Variants in EFCAB6 observed in about 807,000 individuals in gnomAD.
EFCAB6 encodes the protein EF-hand calcium-binding domain-containing protein 6.
A neutral mutation model predicts 169.8 loss-of-function variants in EFCAB6; 156 were observed. The observed-to-expected ratio is 0.92, with a 90% CI of 0.81 to 1.05. EFCAB6 has a LOEUF of 1.05. EFCAB6 is among the 50% of genes least tolerant of loss of function. The pLI, the probability that EFCAB6 is intolerant of heterozygous loss-of-function variation, is 0.00. For synonymous variants in EFCAB6, 698 were observed against 676.4 expected (o/e 1.03, Z -0.50); for missense variants, 1,800 against 1,829.1 (o/e 0.98, Z 0.29).
chr22:43,539,498 CTTCA>C (rs1035152783), intron 28 of EFCAB6, among the ~76,000 whole-genome samples: 6 of 152,312 alleles, frequency 3.9e-5, no homozygotes, highest in African/African-American at 1.4e-4. Flanking sequence ...GTGATGGTGG[CTTCA>C]TGTGCATGGT....
At position 43,555,024 on chromosome 22, in the gene EFCAB6, C is replaced by T. The variant is rs761394170; in HGVS notation, c.3493G>A (p.Asp1165Asn). 10 of 1,614,112 alleles carry T rather than the reference C, an allele frequency of 6.2e-6. No homozygotes were observed. Among genetic ancestry groups the T allele is most frequent in the Non-Finnish European group, 8.5e-6 (10 of 1,180,040 alleles). Residue 1165 changes from aspartate (D) to asparagine (N), a missense_variant, in exon 27 of 32, where the codon GAC becomes AAC. Transcript: ENST00000262726. ...GCTTTGTGGAGGCGAGCCAGGATGT[C>T]TCTGTCGGCTGTGGCCTTGGGAGAG... ...PTSPKATADR[D>N]ILARLHKAVT...
chr22:43,676,735 G>A (rs9614172), intron 13 of EFCAB6, among the ~76,000 whole-genome samples: 13,896 of 152,064 alleles, frequency 0.091, 814 homozygotes, highest in Non-Finnish European at 0.13. Context: ...TGACACTTTC[G>A]CTCCAATAAA....
At chr22:43,553,438 G>C (rs1485633600) in intron 27 of EFCAB6, 1 of 152,292 alleles carries the variant, frequency 6.6e-6, no homozygotes, top group East Asian at 1.9e-4. Flanking sequence ...ATCTACTTCT[G>C]TAACTGGATC....
At chr22:43,768,357 C>A (rs190031541) in intron 4 of EFCAB6, among the ~76,000 whole-genome samples, 8 of 152,338 alleles carry the variant, frequency 5.3e-5, no homozygotes, top group Admixed American at 5.2e-4. Flanking sequence ...CTGGAAAATT[C>A]TTTCCCAACT....
intron 20 of EFCAB6, among the ~76,000 whole-genome samples, chr22:43,622,532 C>T (rs2054181792): frequency 6.6e-6 from 1 of 152,198 alleles, no homozygotes; most frequent in South Asian, 2.1e-4. Flanking sequence ...CACCATTGCA[C>T]TCCAGCCCGG....
intron 13 of EFCAB6, among the ~76,000 whole-genome samples, chr22:43,674,756 G>A (rs953806849): frequency 6.6e-6 from 1 of 152,146 alleles, no homozygotes; most frequent in Non-Finnish European, 1.5e-5. Flanking sequence ...ACCTTACAAG[G>A]TGGTACCATA....
chr22:43,753,358 T>C (rs953664812), intron 6 of EFCAB6, among the ~76,000 whole-genome samples: 3 of 152,210 alleles, frequency 2.0e-5, no homozygotes, highest in Non-Finnish European at 2.9e-5. Flanking sequence ...CGCCAGGACT[T>C]AGCGTGGCTG....
chr22:43,762,607 G>A (rs758789591), intron 5 of EFCAB6, among the ~76,000 whole-genome samples: 10 of 152,148 alleles, frequency 6.6e-5, no homozygotes, highest in Admixed American at 1.3e-4. Flanking sequence ...GTCTCTGTTC[G>A]CTATAATGTA....
At chr22:43,779,613 G>A (rs1214428906) in intron 3 of EFCAB6, among the ~76,000 whole-genome samples, 2 of 152,072 alleles carry the variant, frequency 1.3e-5, no homozygotes, top group East Asian at 1.9e-4. Flanking sequence ...GGTGGCATGC[G>A]CCTGTAGTCC....
rs372200947 is a variant in EFCAB6, at chr22:43,772,921, G to A, written c.322C>T (p.Arg108Ter). 6.3e-5 allele frequency: 102 copies of A among 1,614,190 alleles called. 1 individual carries two copies. The highest frequency in any genetic ancestry group is 3.4e-4 in the South Asian group (31 of 91,078). ...GCCAACACGTCCTGAAACTGTTCTC[G>A]TGTGAGCGGCATCAGGAAGTCTGTG... ...IITDFLMPLTREQFQDVLAQI... is the reference protein window; with the variant it reads ...IITDFLMPLT Residue 108 changes from arginine (R) to a stop codon, truncating the protein, a stop_gained, in exon 4 of 32, where the codon CGA becomes TGA. Coordinates refer to ENST00000262726, the MANE Select transcript of EFCAB6 (RefSeq NM_022785.4). LOFTEE classifies it high-confidence loss of function.
At chr22:43,543,485 C>T (rs942250818) in intron 27 of EFCAB6, among the ~76,000 whole-genome samples, 1 of 152,200 alleles carries the variant, frequency 6.6e-6, no homozygotes, top group African/African-American at 2.4e-5. Context: ...ACCCACTCAA[C>T]TCTCTGCCTC....
At chr22:43,717,031 T>G in intron 8 of EFCAB6, 59 bp from the exon 9 acceptor site, 1 of 1,391,006 alleles carries the variant, frequency 7.2e-7, no homozygotes, top group Admixed American at 2.9e-5. Flanking sequence ...CATTTAAATA[T>G]TGTTTCATTT....
chr22:43,662,828 C>A (rs1014741026), intron 17 of EFCAB6, among the ~76,000 whole-genome samples: 1 of 152,310 alleles, frequency 6.6e-6, no homozygotes, highest in South Asian at 2.1e-4. Context: ...AGCAAGCCTG[C>A]GGTACATCCT....
intron 2 of EFCAB6, among the ~76,000 whole-genome samples, chr22:43,806,186 G>C (rs113991511): frequency 2.3e-5 from 1 of 43,060 alleles, no homozygotes; most frequent in Non-Finnish European, 6.4e-5. Context: ...AGGAGAGGAG[G>C]GGGAGGGGAG....
intron 5 of EFCAB6, among the ~76,000 whole-genome samples, chr22:43,761,453 CTG>C (rs1327882583): frequency 6.6e-6 from 1 of 152,120 alleles, no homozygotes; most frequent in Non-Finnish European, 1.5e-5. Flanking sequence ...TTCCTTTCAG[CTG>C]TGTTTAATCC....
At position 43,554,982 on chromosome 22, in the gene EFCAB6, G is replaced by A. The variant is rs1300874319; in HGVS notation, c.3535C>T (p.His1179Tyr). ...TTCTCAAACTCCTGGGTGATGGCAT[G>A]GTAATGGGAAGTCACTGCTTTGTGG... ...RLHKAVTSHY[H>Y]AITQEFENFD... The change falls in exon 27 of 32, where the codon CAT (histidine) becomes TAT (tyrosine). Residue 1179 changes from histidine to tyrosine, a missense_variant. Transcript: ENST00000262726. 4 of 1,614,078 alleles carry A rather than the reference G, an allele frequency of 2.5e-6. No homozygotes were observed. The highest frequency in any genetic ancestry group is 2.5e-6 in the Non-Finnish European group (3 of 1,180,034).
Position 43,758,642 on chromosome 22 carries a change from A to G in EFCAB6, c.441-2810T>C, listed in dbSNP as rs540779681. Among the ~76,000 whole-genome samples, 16 of 152,156 alleles carry G rather than the reference A, an allele frequency of 1.1e-4. No homozygotes were observed. The South Asian group carries it at 3.3e-3, about 32-fold the overall frequency. On this transcript the variant is annotated intron_variant, in intron 5 of 31. Transcript: ENST00000262726. ...AGCCAAAAATCATTTCTATTTACCC[A>G]TATTTTGCCACTTTCTTTGCTTTTC...
chr22:43,644,069 CTGCCTCGGCCTCCCAA>C (rs1310389634), intron 17 of EFCAB6, among the ~76,000 whole-genome samples: 2 of 152,108 alleles, frequency 1.3e-5, no homozygotes, highest in East Asian at 3.9e-4. Context: ...GGTGATCCAC[CTGCCTCGGCCTCCCAA>C]ATTGCTGGGA....
rs769807319 is a variant in EFCAB6, at chr22:43,608,586, G to C, written c.2577C>G (p.Thr859=). The C allele has an allele frequency of 2.5e-6, 4 of 1,613,978 alleles. No individual in the cohort carries two copies. In the Admixed American group the frequency reaches 6.7e-5, roughly 27 times the overall value. The change falls in exon 22 of 32, where the codon ACC becomes ACG. Residue 859 remains threonine (T), a synonymous_variant. Coordinates refer to ENST00000262726, the MANE Select transcript of EFCAB6 (RefSeq NM_022785.4). ...WSDLSKNFLE[T]DNEGNGILRR... is the part of the protein sequence containing the mutation. ...GAAGAATGCCATTGCCCTCATTATC[G>C]GTTTCTAGAAAATTCTACAACATCA...
Sources: gnomAD v4.1 joint callset for allele counts (sites outside exome capture counted in the v4.1 genomes callset) on GRCh38, gnomAD v4.1.1 for gene constraint, MANE v1.5 for transcripts, NCBI Gene and HGNC (gene_info 2026-07-23, HGNC 2026-07-21) for gene names.